Variants in CTNNA2 observed in about 807,000 individuals in gnomAD.
CTNNA2 encodes catenin alpha-2.
CTNNA2 carries 42 observed loss-of-function variants against 101.0 expected under a neutral mutation model. That is an observed-to-expected ratio of 0.42 (90% CI 0.32 to 0.54). The LOEUF is 0.54. Among genes scored for constraint, CTNNA2 ranks in the 20% least tolerant of loss-of-function variants. The pLI is 0.14. For missense variants in CTNNA2, 871 were observed against 1,223.1 expected, an observed-to-expected ratio of 0.71 and a Z score of 4.29; for synonymous variants, 450 against 456.4, an observed-to-expected ratio of 0.99 and a Z score of 0.18.
chr2:80,139,827 T>C (rs1702898998), intron 7 of CTNNA2, among the ~76,000 whole-genome samples: 1 of 152,172 alleles, frequency 6.6e-6, no homozygotes, highest in East Asian at 1.9e-4. Context: ...AACCCTAAGG[T>C]ACTGCTGTGA....
At chr2:79,865,558 G>A (rs1384905401) in intron 4 of CTNNA2, among the ~76,000 whole-genome samples, 2 of 151,938 alleles carry the variant, frequency 1.3e-5, no homozygotes, top group Non-Finnish European at 2.9e-5. Context: ...TCTAGTAATG[G>A]TATAGCCAGC....
chr2:79,677,067 C>T (rs894165193), intron 2 of CTNNA2, among the ~76,000 whole-genome samples: 1 of 152,154 alleles, frequency 6.6e-6, no homozygotes, highest in Non-Finnish European at 1.5e-5. Flanking sequence ...GTACCTGGAA[C>T]TACATCACCA....
At chr2:79,789,934 T>C (rs986774349) in intron 3 of CTNNA2, among the ~76,000 whole-genome samples, 3 of 152,154 alleles carry the variant, frequency 2.0e-5, no homozygotes, top group Admixed American at 6.6e-5. Flanking sequence ...GGCCTAGGAT[T>C]TGGCAATCTG....
intron 7 of CTNNA2, among the ~76,000 whole-genome samples, chr2:79,978,470 A>G (rs1479166186): frequency 2.0e-5 from 3 of 152,146 alleles, no homozygotes; most frequent in Non-Finnish European, 1.5e-5. Flanking sequence ...AATAATGACT[A>G]TCATCAAGGG....
At chr2:79,272,434 A>G (rs540010322) in intron 2 of CTNNA2, among the ~76,000 whole-genome samples, 2 of 152,234 alleles carry the variant, frequency 1.3e-5, no homozygotes, top group African/African-American at 4.8e-5. Flanking sequence ...AATTATTTTG[A>G]TATAGTACAT....
intron 7 of CTNNA2, among the ~76,000 whole-genome samples, chr2:80,105,724 A>G (rs550691703): frequency 4.5e-4 from 68 of 151,774 alleles, no homozygotes; most frequent in African/African-American, 1.6e-3. Context: ...ACAGAGGGAG[A>G]TCTTGTCTCA....
intron 15 of CTNNA2, 82 bp downstream of exon 15, chr2:80,589,567 C>A: frequency 7.3e-7 from 1 of 1,362,390 alleles, no homozygotes; most frequent in South Asian, 1.5e-5. Flanking sequence ...TGAAAGCCTG[C>A]TGAAAAATTA....
At chr2:80,606,195 C>A (rs866052223) in intron 16 of CTNNA2, among the ~76,000 whole-genome samples, 1 of 151,776 alleles carries the variant, frequency 6.6e-6, no homozygotes, top group Non-Finnish European at 1.5e-5. Flanking sequence ...ATGGCTGTTT[C>A]ATTACACTTT....
intron 6 of CTNNA2, among the ~76,000 whole-genome samples, chr2:79,904,160 TA>T (rs1454365221): frequency 1.3e-5 from 2 of 152,196 alleles, no homozygotes; most frequent in African/African-American, 4.8e-5. Context: ...AGTATTTTTT[TA>T]CTTTCTACCT....
At chr2:80,523,155 T>G (rs1179071104) in intron 9 of CTNNA2, among the ~76,000 whole-genome samples, 2 of 152,062 alleles carry the variant, frequency 1.3e-5, no homozygotes, top group African/African-American at 4.8e-5. Flanking sequence ...TACCTGTGTA[T>G]TAGAGGAAAA....
rs17019155 is a variant in CTNNA2, at chr2:80,395,735, A to G, written c.1137+2444A>G. Among the ~76,000 whole-genome samples, 487 of 152,298 alleles carry G rather than the reference A, an allele frequency of 3.2e-3. 11 individuals are homozygous for G. The highest frequency in any genetic ancestry group is 0.027 in the Admixed American group (415 of 15,292). ...AATGTATACTGCTGAGATACTTTCT[A>G]TTCTTTCAATTACAGATAAATGTAT... On this transcript the variant is annotated intron_variant, in intron 8 of 18. Coordinates refer to ENST00000402739, the MANE Select transcript of CTNNA2 (RefSeq NM_001282597.3).
rs1340299596 is a variant in CTNNA2 at position 80,619,204 on chromosome 2, G to A, written c.2550G>A (p.Gly850=). The A allele has an allele frequency of 6.3e-7, 1 of 1,582,844 alleles. No individual in the cohort carries two copies. The highest frequency in any genetic ancestry group is 2.3e-5 in the East Asian group (1 of 43,714). The change falls in exon 18 of 19, where the codon GGG becomes GGA. Residue 850 remains glycine (G), a synonymous_variant. Transcript: ENST00000402739. ...CCTGTGCTGAGGGAGCTCCGATCGG[G>A]AGTGGAAGCAGTGATTCCTCCATGG... ...LPTCAEGAPI[G]SGSSDSSMLD...
intron 1 of CTNNA2, among the ~76,000 whole-genome samples, chr2:79,191,242 A>G (rs1468948773): frequency 2.0e-5 from 3 of 152,218 alleles, no homozygotes; most frequent in Non-Finnish European, 2.9e-5. Context: ...TTAGTCTCCA[A>G]TTCCCCTCAG....
At chr2:80,104,127 G>T (rs531213445) in intron 7 of CTNNA2, among the ~76,000 whole-genome samples, 2 of 152,092 alleles carry the variant, frequency 1.3e-5, no homozygotes, top group Admixed American at 1.3e-4. Context: ...AATCTCTCAG[G>T]CATGTTGGGG....
intron 7 of CTNNA2, among the ~76,000 whole-genome samples, chr2:80,147,983 A>G (rs1703456404): frequency 6.6e-6 from 1 of 152,246 alleles, no homozygotes. Flanking sequence ...TACACTGAAC[A>G]AGAATGACAT....
Position 79,488,335 on chromosome 2 carries a change from A to C in CTNNA2, c.-134-16719A>C, listed in dbSNP as rs1452402892. Reference sequence around the variant, plus strand: ...CTCCATCTCAAAAAAAAAAAAAAAAAAAAAAAAACACAGTTCAAACACATG... The same window carrying C: ...CTCCATCTCAAAAAAAAAAAAAAAACAAAAAAAACACAGTTCAAACACATG... On this transcript the variant is annotated intron_variant, in intron 4 of 21. Coordinates refer to the CTNNA2 transcript ENST00000466387. Among the ~76,000 whole-genome samples the C allele has an allele frequency of 6.5e-5, 8 of 122,560 alleles. No individual in the cohort carries two copies. The East Asian group carries it at 1.7e-3, about 26-fold the overall frequency. The allele number at this position is 122,560 out of a possible 152,430, so 80.4% of individuals were successfully genotyped here. A position where few individuals can be genotyped will look rare whatever the true frequency, so the allele number is the denominator to read the frequency against.
intron 3 of CTNNA2, among the ~76,000 whole-genome samples, chr2:79,801,088 A>T (rs894972516): frequency 1.3e-5 from 2 of 152,234 alleles, no homozygotes; most frequent in African/African-American, 4.8e-5. Context: ...CTCTTTAGAG[A>T]AATTAGAAAG....
chr2:80,035,356 A>G (rs887539845), intron 7 of CTNNA2, among the ~76,000 whole-genome samples: 2 of 152,058 alleles, frequency 1.3e-5, no homozygotes, highest in Non-Finnish European at 2.9e-5. Context: ...ACTACCACCT[A>G]AAAAAAATTG....
chr2:80,580,395 A>G (rs1342642087), intron 13 of CTNNA2, among the ~76,000 whole-genome samples: 3 of 152,190 alleles, frequency 2.0e-5, no homozygotes, highest in African/African-American at 7.2e-5. Flanking sequence ...GCAATTTTAT[A>G]ACTTCAGTTC....
Sources: allele counts gnomAD v4.1 joint callset (sites outside exome capture counted in the v4.1 genomes callset), GRCh38; gene constraint gnomAD v4.1.1; transcripts MANE v1.5; gene names NCBI Gene and HGNC (gene_info 2026-07-23, HGNC 2026-07-21).